Variants in RALGAPA2 observed in about 807,000 individuals in gnomAD.
RALGAPA2 encodes ral GTPase-activating protein subunit alpha-2.
In RALGAPA2, 139 loss-of-function variants were observed where a neutral mutation model predicts 230.4. The ratio of observed to expected loss-of-function variants is 0.60; its 90% CI spans 0.53 to 0.69. The LOEUF (loss-of-function observed/expected upper bound fraction) is 0.69, where lower values mean the gene tolerates loss of function less well. Among genes scored for constraint, RALGAPA2 ranks in the 30% least tolerant of loss-of-function variants. RALGAPA2 has a pLI of 0.00. For synonymous variants in RALGAPA2, 847 were observed against 837.8 expected (o/e 1.01, Z -0.19); for missense variants, 2,163 against 2,276.0 (o/e 0.95, Z 1.01).
chr20:20,695,679 T>A (rs1469015692), intron 1 of RALGAPA2, among the ~76,000 whole-genome samples: 2 of 152,222 alleles, frequency 1.3e-5, no homozygotes, highest in Non-Finnish European at 2.9e-5. Flanking sequence ...TGTCATATTT[T>A]GAAACACCAC....
intron 37 of RALGAPA2, among the ~76,000 whole-genome samples, chr20:20,455,267 G>A (rs545127721): frequency 1.3e-5 from 2 of 152,374 alleles, no homozygotes; most frequent in Admixed American, 6.5e-5. Context: ...GTCTCGCTGT[G>A]CGAAAGGAAG....
chr20:20,521,462 T>TG (rs958732829), intron 30 of RALGAPA2, among the ~76,000 whole-genome samples: 18 of 151,960 alleles, frequency 1.2e-4, no homozygotes, highest in Admixed American at 1.2e-3. Flanking sequence ...GAGGGTGGAA[T>TG]GAGCACAACA....
chr20:20,466,033 C>G (rs2061414250), intron 37 of RALGAPA2, among the ~76,000 whole-genome samples: 1 of 152,194 alleles, frequency 6.6e-6, no homozygotes, highest in Non-Finnish European at 1.5e-5. Flanking sequence ...CTGCTTGGCC[C>G]ATTAGCCCTC....
intron 33 of RALGAPA2, among the ~76,000 whole-genome samples, chr20:20,510,875 A>G (rs2062685548): frequency 6.6e-6 from 1 of 152,218 alleles, no homozygotes. Flanking sequence ...TGGATTCTGA[A>G]GTCAGACTCA....
In RALGAPA2 at chr20:20,398,720, GGA is replaced by G. The variant is rs1365920659; in HGVS notation, c.5618-1988_5618-1987del. Among the ~76,000 whole-genome samples, 1 of 152,136 alleles carries G rather than the reference GGA, an allele frequency of 6.6e-6. No individual in the cohort carries two copies. The highest frequency in any genetic ancestry group is 2.4e-5 in the African/African-American group (1 of 41,422). On this transcript the variant is annotated intron_variant, in intron 38 of 39. Transcript: ENST00000202677. The surrounding 1 kb of genome is among the most constrained non-coding windows in gnomAD (Gnocchi z 4.5). Reference sequence around the variant, plus strand: ...GGACCTGACGTCTGGGGGCGATAGGGGAGAGACACAAAGCCTAACTGTCCTAT... The same window carrying G: ...GGACCTGACGTCTGGGGGCGATAGGGGAGACACAAAGCCTAACTGTCCTAT...
chr20:20,554,674 T>G (rs922624570), intron 23 of RALGAPA2, among the ~76,000 whole-genome samples: 49 of 152,304 alleles, frequency 3.2e-4, no homozygotes, highest in African/African-American at 1.2e-3. Context: ...TGGCTAATTT[T>G]CATATTTTTG....
At chr20:20,536,406 A>T (rs1245907835) in intron 25 of RALGAPA2, among the ~76,000 whole-genome samples, 1 of 152,250 alleles carries the variant, frequency 6.6e-6, no homozygotes, top group East Asian at 1.9e-4. Flanking sequence ...TATGATCCTT[A>T]GGTCCAATAA....
chr20:20,406,873 A>G (rs776826131), intron 38 of RALGAPA2, among the ~76,000 whole-genome samples: 5 of 152,322 alleles, frequency 3.3e-5, no homozygotes, highest in South Asian at 4.1e-4. Flanking sequence ...GCTCACACCA[A>G]TGCAATCCAG....
chr20:20,620,616 A>T lies in RALGAPA2; in HGVS notation c.1248T>A (p.Pro416=). Reference sequence around the variant, plus strand: ...TTCTTGTTACAGCTATCTCACAGGAAGGCAACAAAAATGCCTGAAAGGAAA... The same window carrying T: ...TTCTTGTTACAGCTATCTCACAGGATGGCAACAAAAATGCCTGAAAGGAAA... ...NEVFHQAFLL[P]SCEIAVTRKV... is the part of the protein sequence containing the mutation. Residue 416 remains proline, a synonymous_variant, in exon 11 of 40, where the codon CCT becomes CCA. Transcript: ENST00000202677. The T allele has an allele frequency of 1.2e-6, 2 of 1,609,988 alleles. No homozygotes were observed. The highest frequency in any genetic ancestry group is 1.7e-6 in the Non-Finnish European group (2 of 1,178,484).
intron 35 of RALGAPA2, among the ~76,000 whole-genome samples, chr20:20,497,870 G>T (rs950137426): frequency 6.6e-6 from 1 of 152,154 alleles, no homozygotes; most frequent in Non-Finnish European, 1.5e-5. Context: ...TCAGTGGCAC[G>T]TGACTCAGAC....
chr20:20,412,000 TGA>T (rs747339919), intron 38 of RALGAPA2, 25 bp downstream of exon 38: 43 of 1,613,210 alleles, frequency 2.7e-5, no homozygotes, highest in Non-Finnish European at 3.6e-5. Flanking sequence ...CTTAAGCGCG[TGA>T]GAGAAGAATA....
At chr20:20,461,197 T>TA (rs1308682388) in intron 37 of RALGAPA2, among the ~76,000 whole-genome samples, 7 of 152,246 alleles carry the variant, frequency 4.6e-5, no homozygotes, top group Non-Finnish European at 1.0e-4. Context: ...TTTATCCTGT[T>TA]AAAGAGGCAT....
chr20:20,400,568 A>G (rs1309009968), intron 38 of RALGAPA2, among the ~76,000 whole-genome samples: 1 of 152,220 alleles, frequency 6.6e-6, no homozygotes, highest in African/African-American at 2.4e-5. Flanking sequence ...TTTAAAATTA[A>G]TATCTTGGTG....
chr20:20,573,000 C>G lies in RALGAPA2; in HGVS notation c.2776G>C (p.Asp926His), dbSNP rs2064698023. ...AGGSLTGWHP[D>H]SAAVLWRRVL... ...CTTCGCCATAACACAGCAGCAGAGTCTGGGTGCCAACCAGTGAGGCTCCCC... is the reference window on the plus strand; with the variant it reads ...CTTCGCCATAACACAGCAGCAGAGTGTGGGTGCCAACCAGTGAGGCTCCCC... The change falls in exon 21 of 40, where the codon GAC (aspartate) becomes CAC (histidine). Residue 926 changes from aspartate to histidine, a missense_variant. Coordinates refer to ENST00000202677, the MANE Select transcript of RALGAPA2 (RefSeq NM_020343.4). The G allele has an allele frequency of 3.1e-6, 5 of 1,610,658 alleles. No homozygotes were observed. Among genetic ancestry groups the G allele is most frequent in the Middle Eastern group, 3.3e-4 (2 of 6,004 alleles).
chr20:20,432,446 T>C (rs1426012945), intron 37 of RALGAPA2, among the ~76,000 whole-genome samples: 1 of 152,206 alleles, frequency 6.6e-6, no homozygotes, highest in Admixed American at 6.5e-5. Flanking sequence ...ATATATTCAT[T>C]TCAGCAAGTC....
chr20:20,702,042 T>TA (rs1265561467), intron 1 of RALGAPA2, among the ~76,000 whole-genome samples: 3,843 of 86,342 alleles, frequency 0.045, 63 homozygotes, highest in African/African-American at 0.086. Flanking sequence ...TCCATCTCAA[T>TA]AAAAAAAAAA....
intron 3 of RALGAPA2, among the ~76,000 whole-genome samples, chr20:20,660,168 C>T (rs1387800286): frequency 6.6e-6 from 1 of 150,920 alleles, no homozygotes; most frequent in Non-Finnish European, 1.5e-5. Context: ...GCGGAGGTTG[C>T]GGTAAGCTGA....
intron 37 of RALGAPA2, among the ~76,000 whole-genome samples, chr20:20,461,138 T>C (rs2123281419): frequency 6.6e-6 from 1 of 152,334 alleles, no homozygotes; most frequent in East Asian, 1.9e-4. Flanking sequence ...TAGATGTTGT[T>C]TTCTGATGTA....
rs376130247 is a variant in RALGAPA2 at position 20,524,471 on chromosome 20, C to T, written c.3835G>A (p.Val1279Met). 137 of 1,613,722 alleles carry T rather than the reference C, an allele frequency of 8.5e-5. No homozygotes were observed. The highest frequency in any genetic ancestry group is 1.1e-4 in the Non-Finnish European group (132 of 1,179,844). Residue 1279 changes from valine (V) to methionine (M), a missense_variant, in exon 30 of 40, where the codon GTG becomes ATG. Coordinates refer to ENST00000202677, the MANE Select transcript of RALGAPA2 (RefSeq NM_020343.4). ...ALPVSVLLHP[V>M]STAVLEEQHS... ...TGCTCCTCTAGGACTGCTGTGGACA[C>T]GGGGTGGAGAAGGACACTCACGGGC...
Sources: gnomAD v4.1 joint callset for allele counts (sites outside exome capture counted in the v4.1 genomes callset) on GRCh38, gnomAD v4.1.1 for gene constraint, Gnocchi (gnomAD v3.1) non-coding constraint, MANE v1.5 for transcripts, NCBI Gene and HGNC (gene_info 2026-07-23, HGNC 2026-07-21) for gene names.